Variants in CACNA1C observed in about 807,000 individuals in gnomAD.
CACNA1C encodes the protein calcium voltage-gated channel subunit alpha1 C.
In CACNA1C, 30 loss-of-function variants were observed where a neutral mutation model predicts 229.0. That is an observed-to-expected ratio of 0.13 (90% CI 0.10 to 0.18). The LOEUF (loss-of-function observed/expected upper bound fraction) is 0.18. Among genes scored for constraint, CACNA1C ranks in the 10% least tolerant of loss-of-function variants. The pLI is 1.00. For synonymous variants in CACNA1C, 1,114 were observed against 1,132.5 expected, an observed-to-expected ratio of 0.98 and a Z score of 0.33; for missense variants, 1,658 against 2,845.0, an observed-to-expected ratio of 0.58 and a Z score of 9.49.
At chr12:2,252,777 C>G (rs559426086) in intron 3 of CACNA1C, among the ~76,000 whole-genome samples, 1 of 152,074 alleles carries the variant, frequency 6.6e-6, no homozygotes. Flanking sequence ...AGCTCTTACT[C>G]TTCCCCAGTT....
At chr12:2,056,576 T>A (rs2055007769) in intron 1 of CACNA1C, among the ~76,000 whole-genome samples, 1 of 152,208 alleles carries the variant, frequency 6.6e-6, no homozygotes, top group South Asian at 2.1e-4. Flanking sequence ...ACTTAGCGAT[T>A]CAGCAGAATA....
Position 2,566,654 on chromosome 12 carries a change from A to G in CACNA1C, c.1669+72A>G. ...GCCCCAAGGCCCAGGGGAGGGCATA[A>G]CCACAGGCAGAAGGTGGAGGGGAAA... is the stretch of plus-strand genomic sequence containing the variant. On this transcript the variant is annotated intron_variant, in intron 12 of 46. Transcript: ENST00000399655. The surrounding 1 kb of genome is among the most constrained non-coding windows in gnomAD (Gnocchi z 4.0). The G allele has an allele frequency of 2.3e-6, 3 of 1,321,524 alleles. No homozygotes were observed. In the Admixed American group the frequency reaches 6.5e-5, roughly 29 times the overall value. The allele number at this position is 1,321,524 out of a possible 1,614,324, so 81.9% of individuals were successfully genotyped here. A position where few individuals can be genotyped will look rare whatever the true frequency, so the allele number is the denominator to read the frequency against.
intron 1 of CACNA1C, among the ~76,000 whole-genome samples, chr12:2,093,610 T>C (rs2072425301): frequency 6.6e-6 from 1 of 152,232 alleles, no homozygotes; most frequent in African/African-American, 2.4e-5. Flanking sequence ...ACTTGCCTCC[T>C]GAGCCCCTTA....
chr12:2,381,333 A>G (rs2098239414), intron 3 of CACNA1C, among the ~76,000 whole-genome samples: 1 of 152,232 alleles, frequency 6.6e-6, no homozygotes, highest in South Asian at 2.1e-4. Flanking sequence ...GATGCTCCCC[A>G]AGGATCCATC....
chr12:2,422,104 C>A (rs553597817), intron 3 of CACNA1C, among the ~76,000 whole-genome samples: 3 of 152,140 alleles, frequency 2.0e-5, no homozygotes, highest in Non-Finnish European at 4.4e-5. Context: ...AAAATAGAAA[C>A]AAAATGCGGC....
Position 1,994,682 on chromosome 12 carries a change from T to C in CACNA1C, c.139+23481T>C, listed in dbSNP as rs78135654. ...AAAGGAAGGCATGGGAGGAAATAAA[T>C]GATTTTTTAAATGGGATTAAGTGTT... On this transcript the variant is annotated intron_variant, in intron 1 of 46. Transcript: ENST00000682462. 1.5e-3 allele frequency among the ~76,000 whole-genome samples: 221 copies of C among 152,336 alleles called. 5 individuals are homozygous for C. In the East Asian group the frequency reaches 0.03, roughly 20 times the overall value.
At chr12:2,265,641 C>T (rs1402126093) in intron 3 of CACNA1C, among the ~76,000 whole-genome samples, 1 of 152,252 alleles carries the variant, frequency 6.6e-6, no homozygotes, top group African/African-American at 2.4e-5. Flanking sequence ...GCAGTGGTTT[C>T]TCTGCCATCA....
intron 9 of CACNA1C, among the ~76,000 whole-genome samples, chr12:2,535,436 C>T (rs2099851157): frequency 1.3e-5 from 2 of 151,498 alleles, no homozygotes; most frequent in Non-Finnish European, 2.9e-5. Flanking sequence ...TGGTGGCTCC[C>T]GCCTGCAATC....
chr12:2,183,637 T>C (rs1305530703), intron 3 of CACNA1C, among the ~76,000 whole-genome samples: 1 of 151,710 alleles, frequency 6.6e-6, no homozygotes, highest in Non-Finnish European at 1.5e-5. Context: ...CATCCTCTCA[T>C]GGTATGTGCT....
intron 8 of CACNA1C, among the ~76,000 whole-genome samples, chr12:2,506,355 C>A (rs2099771876): frequency 6.6e-6 from 1 of 152,170 alleles, no homozygotes; most frequent in Non-Finnish European, 1.5e-5. Flanking sequence ...TGAATCAAAG[C>A]AGAAATTGAG....
At chr12:2,594,312 C>T (rs1304636686) in intron 19 of CACNA1C, among the ~76,000 whole-genome samples, 4 of 152,240 alleles carry the variant, frequency 2.6e-5, no homozygotes, top group Admixed American at 2.0e-4. Context: ...TTCCTTCTGA[C>T]ACTCCAATTG....
chr12:2,295,767 G>A (rs564635407), intron 3 of CACNA1C, among the ~76,000 whole-genome samples: 21 of 152,350 alleles, frequency 1.4e-4, no homozygotes, highest in African/African-American at 4.3e-4. Flanking sequence ...TTGCAGGTAA[G>A]AAGTGACATA....
intron 2 of CACNA1C, 75 bp from the exon 3 acceptor site, chr12:2,120,250 T>G (rs761064499): frequency 2.4e-6 from 2 of 827,856 alleles, no homozygotes; most frequent in Non-Finnish European, 4.3e-6. Flanking sequence ...TTTGATTCAT[T>G]TTAAAAAATA....
Position 2,666,675 on chromosome 12 carries a change from T to G in CACNA1C, c.4527-11T>G. ...TCTGATGCCCTGTCCCTCCTCTCCCTCCTCTTCTAGGGGTCGTATCAAACA... is the reference window on the plus strand; with the variant it reads ...TCTGATGCCCTGTCCCTCCTCTCCCGCCTCTTCTAGGGGTCGTATCAAACA... On this transcript the variant is annotated splice_polypyrimidine_tract_variant and intron_variant, in intron 36 of 46. Coordinates refer to ENST00000399655, the MANE Select transcript of CACNA1C (RefSeq NM_000719.7). The surrounding 1 kb of genome is among the most constrained non-coding windows in gnomAD (Gnocchi z 5.3). 1 of 1,560,614 alleles carries G rather than the reference T, an allele frequency of 6.4e-7. No homozygotes were observed. The highest frequency in any genetic ancestry group is 8.7e-7 in the Non-Finnish European group (1 of 1,145,194).
In CACNA1C at chr12:2,597,061, T is replaced by C. The variant is rs2068643500; in HGVS notation, c.2794-169T>C. 6.6e-6 allele frequency among the ~76,000 whole-genome samples: 1 copy of C among 152,082 alleles called. No individual in the cohort carries two copies. Reference sequence around the variant, plus strand: ...CCCCGCCTCAGGATGTCTGTGTGTGTGCCGCTTGCCCCCCATGTCCATCTG... The same window carrying C: ...CCCCGCCTCAGGATGTCTGTGTGTGCGCCGCTTGCCCCCCATGTCCATCTG... On this transcript the variant is annotated intron_variant, in intron 20 of 46. Transcript: ENST00000399655. This position sits in a 1 kb window ranked among gnomAD's most constrained non-coding sequence, Gnocchi z 4.3.
At chr12:2,572,673 C>CTCCTCCTTCTTCTCT (rs1247336209) in intron 13 of CACNA1C, among the ~76,000 whole-genome samples, 1 of 128,268 alleles carries the variant, frequency 7.8e-6, no homozygotes, top group Non-Finnish European at 1.6e-5. Context: ...CCTCCTCTTC[C>CTCCTCCTTCTTCTCT]TCCTCCTTCT....
intron 10 of CACNA1C, chr12:2,550,447 G>A (rs1031687928): frequency 2.8e-6 from 3 of 1,068,346 alleles, no homozygotes. Context: ...TTTCCATTCT[G>A]ATAAATGTGA....
chr12:2,536,320 TC>T (rs1358122771), intron 9 of CACNA1C, among the ~76,000 whole-genome samples: 1 of 152,152 alleles, frequency 6.6e-6, no homozygotes, highest in African/African-American at 2.4e-5. Flanking sequence ...AACTCTGACT[TC>T]CGTACAGGAG....
At chr12:2,265,037 C>A (rs1342983960) in intron 3 of CACNA1C, among the ~76,000 whole-genome samples, 1 of 152,204 alleles carries the variant, frequency 6.6e-6, no homozygotes, top group Non-Finnish European at 1.5e-5. Flanking sequence ...CTCTAGGACG[C>A]CTGCCTGATG....
Sources: allele counts gnomAD v4.1 joint callset (sites outside exome capture counted in the v4.1 genomes callset), GRCh38; gene constraint gnomAD v4.1.1; non-coding constraint Gnocchi (gnomAD v3.1); transcripts MANE v1.5; gene names NCBI Gene and HGNC (gene_info 2026-07-23, HGNC 2026-07-21).